Variants in CNBD1 observed in about 807,000 individuals in gnomAD.
CNBD1 encodes cyclic nucleotide binding domain containing 1.
In CNBD1, 71 loss-of-function variants were observed where a neutral mutation model predicts 54.4. The observed-to-expected ratio is 1.30, with a 90% CI of 1.08 to 1.59. CNBD1 has a LOEUF of 1.59. Ranked by LOEUF, CNBD1 falls within the 40% of genes most tolerant of loss-of-function variation. CNBD1 has a pLI of 0.00. For missense variants in CNBD1, 659 were observed against 518.0 expected (o/e 1.27, Z -2.64); for synonymous variants, 182 against 170.7 (o/e 1.07, Z -0.51).
intron 10 of CNBD1, among the ~76,000 whole-genome samples, chr8:87,374,132 C>A (rs772716530): frequency 5.9e-5 from 9 of 151,654 alleles, no homozygotes; most frequent in Non-Finnish European, 1.0e-4. Context: ...AGAATGTAGG[C>A]AATAATGTGC....
rs542684911 is a variant in CNBD1 at position 87,056,976 on chromosome 8, G to C, written c.431+117222G>C. Among the ~76,000 whole-genome samples the C allele has an allele frequency of 7.2e-4, 110 of 152,264 alleles. 1 individual carries two copies. The South Asian group carries it at 0.013, about 18-fold the overall frequency. On this transcript the variant is annotated intron_variant, in intron 4 of 10. Coordinates refer to ENST00000518476, the MANE Select transcript of CNBD1 (RefSeq NM_173538.3). ...AACTTCCTCCCTTTGTGTGTGGATG[G>C]AACCTGTGATTTGCTTCCAACCAAA...
At chr8:86,942,239 T>G (rs1807338742) in intron 4 of CNBD1, among the ~76,000 whole-genome samples, 1 of 152,198 alleles carries the variant, frequency 6.6e-6, no homozygotes, top group Non-Finnish European at 1.5e-5. Context: ...CTATAGCACA[T>G]GCCTTTTCTC....
chr8:87,179,314 G>T (rs954026437), intron 4 of CNBD1, among the ~76,000 whole-genome samples: 6 of 152,014 alleles, frequency 3.9e-5, no homozygotes, highest in Admixed American at 3.9e-4. Flanking sequence ...TATAGAATTC[G>T]CTTTAAAAAC....
At chr8:87,034,665 A>T (rs957755615) in intron 4 of CNBD1, among the ~76,000 whole-genome samples, 12 of 152,174 alleles carry the variant, frequency 7.9e-5, no homozygotes, top group Admixed American at 3.3e-4. Flanking sequence ...CTCGTATATA[A>T]TATCTACATA....
chr8:86,913,539 G>A (rs1267419412), intron 3 of CNBD1, among the ~76,000 whole-genome samples: 1 of 152,218 alleles, frequency 6.6e-6, no homozygotes, highest in African/African-American at 2.4e-5. Flanking sequence ...GACATCACAT[G>A]TCGGCGGGTT....
intron 6 of CNBD1, among the ~76,000 whole-genome samples, chr8:87,280,784 G>T (rs1439311083): frequency 6.6e-6 from 1 of 151,284 alleles, no homozygotes; most frequent in African/African-American, 2.4e-5. Context: ...GATTGTTCGG[G>T]TTATGTATTA....
intron 2 of CNBD1, among the ~76,000 whole-genome samples, chr8:87,419,484 T>G (rs1258864191): frequency 6.6e-6 from 1 of 151,852 alleles, no homozygotes; most frequent in African/African-American, 2.4e-5. Context: ...TGCATAAGAT[T>G]TGGAGAAAAT....
Position 87,080,766 on chromosome 8 carries a change from C to T in CNBD1, c.432-125227C>T, listed in dbSNP as rs1350893712. Among the ~76,000 whole-genome samples the T allele has an allele frequency of 3.3e-5, 5 of 151,948 alleles. No individual in the cohort carries two copies. In the East Asian group the frequency reaches 9.6e-4, roughly 29 times the overall value. On this transcript the variant is annotated intron_variant, in intron 4 of 10. Coordinates refer to ENST00000518476, the MANE Select transcript of CNBD1 (RefSeq NM_173538.3). ...ATATTGGACTATATACTTCTCTGAG[C>T]TAAGGTAGTTTGAGTCTTTCATTAA...
chr8:87,281,188 T>C (rs1808591492), intron 6 of CNBD1, among the ~76,000 whole-genome samples: 1 of 151,658 alleles, frequency 6.6e-6, no homozygotes, highest in African/African-American at 2.4e-5. Flanking sequence ...ACAACACATG[T>C]ATGGAAGATA....
At chr8:87,212,246 A>G (rs1227675138) in intron 5 of CNBD1, among the ~76,000 whole-genome samples, 1 of 152,180 alleles carries the variant, frequency 6.6e-6, no homozygotes, top group Admixed American at 6.5e-5. Context: ...ATATTCATTG[A>G]TCTACATAAT....
At chr8:87,233,164 C>T (rs1289198904) in intron 5 of CNBD1, among the ~76,000 whole-genome samples, 4 of 152,116 alleles carry the variant, frequency 2.6e-5, no homozygotes, top group Admixed American at 6.6e-5. Flanking sequence ...ATGTAGATAA[C>T]TTAGCATGAC....
intron 8 of CNBD1, among the ~76,000 whole-genome samples, chr8:87,320,201 A>C (rs978024883): frequency 6.6e-6 from 1 of 152,064 alleles, no homozygotes; most frequent in East Asian, 1.9e-4. Flanking sequence ...TTAACTTTTT[A>C]TTGTTTGCCT....
chr8:87,145,379 T>C (rs1183413818), intron 4 of CNBD1, among the ~76,000 whole-genome samples: 1 of 152,160 alleles, frequency 6.6e-6, no homozygotes, highest in East Asian at 1.9e-4. Context: ...ATAAATATCT[T>C]TTTAGATATG....
At chr8:87,361,483 T>A (rs1016138014) in intron 10 of CNBD1, among the ~76,000 whole-genome samples, 1 of 151,710 alleles carries the variant, frequency 6.6e-6, no homozygotes, top group Non-Finnish European at 1.5e-5. Flanking sequence ...CATTAATAGA[T>A]GAAAAAGCAA....
At chr8:87,382,483 C>A in intron 10 of CNBD1, 137 bp from the exon 11 acceptor site, 1 of 590,896 alleles carries the variant, frequency 1.7e-6, no homozygotes, top group South Asian at 2.5e-5. Context: ...TAAGCTCTGA[C>A]AATATTATTT....
In CNBD1 at chr8:86,923,576, C is replaced by G. The variant is rs181344178; in HGVS notation, c.273-16020C>G. 3.2e-3 allele frequency among the ~76,000 whole-genome samples: 480 copies of G among 152,270 alleles called. 2 individuals carry two copies. Among genetic ancestry groups the G allele is most frequent in the Admixed American group, 3.6e-3 (55 of 15,280 alleles). ...CAGATTGGACTCAGATTCCCCGCCC[C>G]CAGCCTTTGGTGTTTTCTCTTTTAA... is the stretch of plus-strand genomic sequence containing the variant. On this transcript the variant is annotated intron_variant, in intron 3 of 10. Transcript: ENST00000518476.
rs189118883 is a variant in CNBD1 at position 87,419,475 on chromosome 8, G to A, written c.214-9071G>A. 1.4e-3 allele frequency among the ~76,000 whole-genome samples: 215 copies of A among 151,986 alleles called. 1 individual carries two copies. The highest frequency in any genetic ancestry group is 5.6e-4 in the Non-Finnish European group (38 of 67,842). On this transcript the variant is annotated intron_variant, in intron 2 of 7. Coordinates refer to the CNBD1 transcript ENST00000521593. ...TATCTTAATAAAAGACAATAAGAAT[G>A]CATAAGATTTGGAGAAAATGTTGTT...
At chr8:87,223,251 T>G (rs1334758200) in intron 5 of CNBD1, among the ~76,000 whole-genome samples, 1 of 151,060 alleles carries the variant, frequency 6.6e-6, no homozygotes. Context: ...TATTTATTTA[T>G]TTTTTATTAT....
intron 6 of CNBD1, among the ~76,000 whole-genome samples, chr8:87,280,341 A>G (rs1808574789): frequency 6.6e-6 from 1 of 151,606 alleles, no homozygotes; most frequent in African/African-American, 2.4e-5. Flanking sequence ...GACTTAGACA[A>G]CTTTGAGAAT....
Sources: allele counts gnomAD v4.1 joint callset (sites outside exome capture counted in the v4.1 genomes callset), GRCh38; gene constraint gnomAD v4.1.1; transcripts MANE v1.5; gene names NCBI Gene and HGNC (gene_info 2026-07-23, HGNC 2026-07-21).